AKR1C4: variants seen among roughly 807,000 people sequenced by gnomAD.
AKR1C4 encodes the protein 3-alpha-HSD1.
AKR1C4 carries 44 observed loss-of-function variants against 41.0 expected under a neutral mutation model. The ratio of observed to expected loss-of-function variants is 1.07; its 90% confidence interval spans 0.84 to 1.38. The LOEUF (loss-of-function observed/expected upper bound fraction) is 1.38. Among genes scored for constraint, AKR1C4 ranks in the 40% most tolerant of loss-of-function variants. The pLI, the probability that AKR1C4 is intolerant of heterozygous loss-of-function variation, is 0.00. For synonymous variants in AKR1C4, 165 were observed against 137.7 expected, an observed-to-expected ratio of 1.20 and a Z score of -1.39; for missense variants, 438 against 387.9, an observed-to-expected ratio of 1.13 and a Z score of -1.09.
Position 5,204,246 on chromosome 10 carries a change from TAAAAC to T in AKR1C4, c.253-127_253-123del, listed in dbSNP as rs1425457831. 6.1e-5 allele frequency: 42 copies of T among 683,602 alleles called. No individual in the cohort carries two copies. In the East Asian group the frequency reaches 1.0e-3, roughly 17 times the overall value. The allele number at this position is 683,602 out of a possible 1,614,324, so 42.3% of individuals were successfully genotyped here. The stretch of plus-strand genomic sequence containing the variant: ...TTCATATAGGTAGGTCATATCAAAA[TAAAAC>T]AAAGGGAATTTTTGCCAGAGGTCAT... On this transcript the variant is annotated intron_variant, in intron 2 of 8. Coordinates refer to ENST00000263126, the MANE Select transcript of AKR1C4 (RefSeq NM_001818.5).
At chr10:5,211,406 T>C (rs1234089747) in intron 5 of AKR1C4, among the ~76,000 whole-genome samples, 1 of 152,192 alleles carries the variant, frequency 6.6e-6, no homozygotes, top group African/African-American at 2.4e-5. Context: ...TGCTTAGAAA[T>C]TTCTTTGACC....
chr10:5,197,573 G>A (rs561693112), intron 1 of AKR1C4, among the ~76,000 whole-genome samples: 1 of 152,288 alleles, frequency 6.6e-6, no homozygotes, highest in South Asian at 2.1e-4. Context: ...TAAATTTTTG[G>A]TCCGTGTTAA....
At chr10:5,217,463 A>G (rs557937954) in intron 8 of AKR1C4, among the ~76,000 whole-genome samples, 1 of 152,366 alleles carries the variant, frequency 6.6e-6, no homozygotes, top group East Asian at 1.9e-4. Context: ...AAGATAGATT[A>G]AAAATCAAGG....
At chr10:5,207,414 A>T (rs1334474) in intron 5 of AKR1C4, 253,041 of 299,820 alleles carry the variant, frequency 0.84, 110,083 homozygotes, top group East Asian at 0.98. Context: ...AATGAGGAAC[A>T]CTGTAGAAGC....
chr10:5,199,266 T>C (rs1287041922), intron 1 of AKR1C4, among the ~76,000 whole-genome samples: 2 of 152,056 alleles, frequency 1.3e-5, no homozygotes, highest in African/African-American at 4.8e-5. Flanking sequence ...TGAAGGTCAG[T>C]GCTGGTGCCT....
At position 5,218,901 on chromosome 10, in the gene AKR1C4, A is replaced by C; in HGVS notation, c.*141A>C. ...GCTTGGCAACTTCAGCTAGCTAGAT[A>C]TATCCATGGTCCAGAAAGCAAACAT... On this transcript the variant is annotated 3_prime_UTR_variant, in exon 9 of 9. Coordinates refer to ENST00000263126, the MANE Select transcript of AKR1C4 (RefSeq NM_001818.5). 1 of 624,096 alleles carries C rather than the reference A, an allele frequency of 1.6e-6. No individual in the cohort carries two copies. Among genetic ancestry groups the C allele is most frequent in the Non-Finnish European group, 2.8e-6 (1 of 356,708 alleles). 38.7% of individuals were successfully genotyped at this position (624,096 alleles called of 1,614,324 possible). A position where few individuals can be genotyped will look rare whatever the true frequency, so the allele number is the denominator to read the frequency against.
intron 5 of AKR1C4, among the ~76,000 whole-genome samples, chr10:5,209,642 T>C (rs1832539764): frequency 6.6e-6 from 1 of 152,132 alleles, no homozygotes; most frequent in Non-Finnish European, 1.5e-5. Context: ...ACAAGTCACA[T>C]CTTACATAGA....
At chr10:5,200,400 G>A (rs1554796829) in intron 2 of AKR1C4, 52 bp downstream of exon 2, 3 of 1,551,260 alleles carry the variant, frequency 1.9e-6, no homozygotes, top group South Asian at 1.3e-5. Context: ...GGGATTGTGT[G>A]GAGATGACAA....
At chr10:5,210,522 T>G (rs530346119) in intron 5 of AKR1C4, among the ~76,000 whole-genome samples, 2 of 152,152 alleles carry the variant, frequency 1.3e-5, no homozygotes, top group Non-Finnish European at 2.9e-5. Context: ...AGTGCATGCC[T>G]AGTGGTAAAC....
chr10:5,218,847 A>G lies in AKR1C4; in HGVS notation c.*87A>G. 3 of 1,382,282 alleles carry G rather than the reference A, an allele frequency of 2.2e-6. No homozygotes were observed. Among genetic ancestry groups the G allele is most frequent in the Non-Finnish European group, 3.1e-6 (3 of 975,424 alleles). 85.6% of individuals were successfully genotyped at this position (1,382,282 alleles called of 1,614,324 possible). Reference sequence around the variant, plus strand: ...TGTCTCTATGCTGGTGACTGGACACACAGCCTCTGGTTAAATCCCTCCCCT... The same window carrying G: ...TGTCTCTATGCTGGTGACTGGACACGCAGCCTCTGGTTAAATCCCTCCCCT... On this transcript the variant is annotated 3_prime_UTR_variant, in exon 9 of 9. Transcript: ENST00000263126.
intron 3 of AKR1C4, among the ~76,000 whole-genome samples, chr10:5,205,394 G>A (rs962649654): frequency 6.6e-6 from 1 of 152,166 alleles, no homozygotes; most frequent in Non-Finnish European, 1.5e-5. Context: ...AACTCTTATT[G>A]TATCACCTGG....
At chr10:5,203,202 A>T (rs1554797111) in intron 2 of AKR1C4, among the ~76,000 whole-genome samples, 1 of 152,142 alleles carries the variant, frequency 6.6e-6, no homozygotes, top group African/African-American at 2.4e-5. Context: ...TCTGCAGCAC[A>T]CTTCCTGCTT....
Position 5,204,368 on chromosome 10 carries a change from A to G in AKR1C4, c.253-9A>G. ...TTATTCAACATAAATCCTTTATTTT[A>G]CCATGCAGCTTTGGTGCACTTTCTT... On this transcript the variant is annotated splice_polypyrimidine_tract_variant and intron_variant, in intron 2 of 8. Transcript: ENST00000263126. 6.3e-7 allele frequency: 1 copy of G among 1,590,382 alleles called. No individual in the cohort carries two copies. Among genetic ancestry groups the G allele is most frequent in the Non-Finnish European group, 8.6e-7 (1 of 1,160,856 alleles).
At chr10:5,208,171 C>T (rs2132132720) in intron 5 of AKR1C4, among the ~76,000 whole-genome samples, 1 of 151,718 alleles carries the variant, frequency 6.6e-6, no homozygotes, top group South Asian at 2.1e-4. Context: ...TGACTGTCCA[C>T]ATCTTATTCT....
intron 8 of AKR1C4, among the ~76,000 whole-genome samples, chr10:5,217,372 GC>G (rs1318414297): frequency 1.3e-5 from 2 of 152,142 alleles, no homozygotes; most frequent in Non-Finnish European, 2.9e-5. Context: ...CAGGAAGTTT[GC>G]CCTTAGTAGG....
intron 6 of AKR1C4, 52 bp from the exon 7 acceptor site, chr10:5,212,942 T>TACCA: frequency 6.3e-7 from 1 of 1,596,392 alleles, no homozygotes; most frequent in South Asian, 1.1e-5. Flanking sequence ...GGGAGCCTCC[T>TACCA]ACCAAACTGA....
intron 5 of AKR1C4, chr10:5,207,081 T>TTA (rs1468513914): frequency 6.4e-6 from 1 of 155,424 alleles, no homozygotes; most frequent in Non-Finnish European, 1.4e-5. Context: ...AACGGGAGTC[T>TTA]TATAGCTGGG....
At chr10:5,217,284 G>A (rs952708289) in intron 8 of AKR1C4, among the ~76,000 whole-genome samples, 1 of 152,152 alleles carries the variant, frequency 6.6e-6, no homozygotes, top group Non-Finnish European at 1.5e-5. Context: ...TGTCAATTCA[G>A]TATCTTTAAT....
intron 1 of AKR1C4, among the ~76,000 whole-genome samples, chr10:5,198,122 C>T (rs1459092035): frequency 6.6e-6 from 1 of 152,090 alleles, no homozygotes. Flanking sequence ...GAAATTATAT[C>T]GTTTCTAAAA....
Sources: allele counts gnomAD v4.1 joint callset (sites outside exome capture counted in the v4.1 genomes callset), GRCh38; gene constraint gnomAD v4.1.1; transcripts MANE v1.5; gene names NCBI Gene and HGNC (gene_info 2026-07-23, HGNC 2026-07-21).